ELFN2: variants seen among roughly 807,000 people sequenced by gnomAD.
The protein encoded by ELFN2 is protein phosphatase 1 regulatory subunit 29.
ELFN2 carries 17 observed loss-of-function variants against 45.5 expected under a neutral mutation model. That is an observed-to-expected ratio of 0.37 (90% CI 0.26 to 0.56). The LOEUF is 0.56. Among genes scored for constraint, ELFN2 ranks in the 20% least tolerant of loss-of-function variants. The pLI is 0.77. For synonymous variants in ELFN2, 550 were observed against 551.5 expected (o/e 1.00, Z 0.04); for missense variants, 922 against 1,183.2 (o/e 0.78, Z 3.24).
chr22:37,359,041 T>TGCTGGAAGTCACCAAC, intron 1 of ELFN2, among the ~76,000 whole-genome samples: 3 of 151,860 alleles, frequency 2.0e-5, no homozygotes, highest in African/African-American at 7.3e-5. Context: ...CATATGTTGG[T>TGCTGGAAGTCACCAAC]ATTGGAAGCC....
At chr22:37,409,465 T>C (rs1932593378) in intron 2 of ELFN2, among the ~76,000 whole-genome samples, 1 of 152,050 alleles carries the variant, frequency 6.6e-6, no homozygotes, top group Non-Finnish European at 1.5e-5. Context: ...CACCCTACCT[T>C]TCCCCAAGTC....
downstream of ELFN2, among the ~76,000 whole-genome samples, chr22:37,363,993 T>C (rs1490755356): frequency 6.6e-6 from 1 of 151,780 alleles, no homozygotes; most frequent in African/African-American, 2.4e-5. Flanking sequence ...CAGTTCCCCA[T>C]GTGGGAGTCC....
At chr22:37,345,203 C>T (rs922102739) in intron 1 of ELFN2, among the ~76,000 whole-genome samples, 2 of 152,242 alleles carry the variant, frequency 1.3e-5, no homozygotes, top group Non-Finnish European at 2.9e-5. Flanking sequence ...AGTCTTTTCT[C>T]CTCTTCAACT....
chr22:37,349,050 G>A (rs1930761765), intron 1 of ELFN2, among the ~76,000 whole-genome samples: 2 of 151,212 alleles, frequency 1.3e-5, no homozygotes, highest in African/African-American at 4.8e-5. Context: ...GATCGCTACA[G>A]AGCATCTCTT....
At chr22:37,424,653 G>A (rs1355985607) in intron 1 of ELFN2, among the ~76,000 whole-genome samples, 1 of 150,730 alleles carries the variant, frequency 6.6e-6, no homozygotes, top group Non-Finnish European at 1.5e-5. Flanking sequence ...GTAATCAAAT[G>A]TGTCTCCCTG....
chr22:37,350,427 G>A (rs1244624677), intron 1 of ELFN2, among the ~76,000 whole-genome samples: 1 of 150,636 alleles, frequency 6.6e-6, no homozygotes, highest in Non-Finnish European at 1.5e-5. Flanking sequence ...GGTGGCCTCA[G>A]TGAGCTCTGG....
chr22:37,366,639 G>C (rs1931212922), downstream of ELFN2, among the ~76,000 whole-genome samples: 1 of 152,248 alleles, frequency 6.6e-6, no homozygotes, highest in Non-Finnish European at 1.5e-5. Flanking sequence ...GGGGCCTGAG[G>C]GGACAGAGCC....
intron 1 of ELFN2, among the ~76,000 whole-genome samples, chr22:37,347,352 C>T (rs1930722026): frequency 6.6e-6 from 1 of 152,068 alleles, no homozygotes; most frequent in South Asian, 2.1e-4. Flanking sequence ...TCTGAAGCTG[C>T]AGGTATTCAT....
Position 37,374,488 on chromosome 22 carries a change from G to A in ELFN2, c.1047C>T (p.Asp349=), listed in dbSNP as rs755203655. ...TGTACTCAGTGTGCGCCCGCAGTTTGTCCAGCGTCACGATCTCCTTCTTGT... is the reference window on the plus strand; with the variant it reads ...TGTACTCAGTGTGCGCCCGCAGTTTATCCAGCGTCACGATCTCCTTCTTGT... The part of the protein sequence containing the change: ...LKNKKEIVTL[D]KLRAHTEYTF... The change falls in exon 3 of 3, where the codon GAC becomes GAT. Residue 349 remains aspartate (D), a synonymous_variant. Transcript: ENST00000402918. 1.9e-6 allele frequency: 3 copies of A among 1,614,130 alleles called. No homozygotes were observed. The highest frequency in any genetic ancestry group is 2.7e-5 in the African/African-American group (2 of 74,948).
chr22:37,374,276 C>T lies in ELFN2; in HGVS notation c.1259G>A (p.Arg420His), dbSNP rs537816334. 38 of 1,613,960 alleles carry T rather than the reference C, an allele frequency of 2.4e-5. No individual in the cohort carries two copies. Among genetic ancestry groups the T allele is most frequent in the Non-Finnish European group, 2.9e-5 (34 of 1,180,038 alleles). ...IVLGAVYYCL[R>H]KRRMQEEKQK... ...CTTCTCCTCCTGCATGCGCCGCTTG[C>T]GCAGGCAGTAGTACACGGCTCCCAG... Residue 420 changes from arginine (R) to histidine (H), a missense_variant, in exon 3 of 3, where the codon CGC (arginine) becomes CAC (histidine). By Grantham distance (29) the Arg-to-His change is conservative. Around this residue, in one of 2 missense-constraint regions of ELFN2, gnomAD observed 564 missense variants for 642.8 expected, o/e 0.88. Coordinates refer to ENST00000402918, the MANE Select transcript of ELFN2 (RefSeq NM_052906.5).
chr22:37,405,125 C>T (rs1932466336), intron 2 of ELFN2, among the ~76,000 whole-genome samples: 1 of 131,522 alleles, frequency 7.6e-6, no homozygotes, highest in Non-Finnish European at 1.6e-5. Flanking sequence ...GACGGAGTCT[C>T]GCTCTTGCCC....
At chr22:37,396,917 T>G (rs1022469194) in intron 2 of ELFN2, among the ~76,000 whole-genome samples, 13 of 152,284 alleles carry the variant, frequency 8.5e-5, no homozygotes, top group South Asian at 6.2e-4. Flanking sequence ...CTATCATCAC[T>G]TGCCTATCAC....
intron 1 of ELFN2, among the ~76,000 whole-genome samples, chr22:37,358,400 G>C (rs749081175): frequency 6.6e-6 from 1 of 152,220 alleles, no homozygotes; most frequent in Non-Finnish European, 1.5e-5. Flanking sequence ...GTCCAGGTCC[G>C]CCGGGGCGAG....
chr22:37,383,928 A>G (rs1285997347), intron 2 of ELFN2, among the ~76,000 whole-genome samples: 2 of 152,146 alleles, frequency 1.3e-5, no homozygotes, highest in African/African-American at 4.8e-5. Context: ...GACCTCGGGC[A>G]AGTCAGCACC....
intron 2 of ELFN2, among the ~76,000 whole-genome samples, chr22:37,383,979 A>G (rs1931863507): frequency 6.6e-6 from 1 of 152,068 alleles, no homozygotes; most frequent in African/African-American, 2.4e-5. Context: ...GTTTGGAGGA[A>G]AACCACAGTA....
At chr22:37,367,031 G>C (rs1443080638), downstream of ELFN2, among the ~76,000 whole-genome samples, 6 of 152,252 alleles carry the variant, frequency 3.9e-5, no homozygotes, top group Admixed American at 1.3e-4. Flanking sequence ...GGGCTGGGCT[G>C]AAGGCCACAG....
At chr22:37,413,669 T>C (rs1267961124) in intron 2 of ELFN2, among the ~76,000 whole-genome samples, 1 of 152,098 alleles carries the variant, frequency 6.6e-6, no homozygotes, top group Admixed American at 6.5e-5. Context: ...CACTGCCTCC[T>C]AGAAGCCAGC....
At chr22:37,391,672 C>T (rs1262298772) in intron 2 of ELFN2, among the ~76,000 whole-genome samples, 1 of 152,294 alleles carries the variant, frequency 6.6e-6, no homozygotes, top group Middle Eastern at 3.4e-3. Context: ...TGGGACTCCC[C>T]GAAGGCCAGG....
intron 1 of ELFN2, among the ~76,000 whole-genome samples, chr22:37,358,636 G>C (rs1436805919): frequency 2.0e-5 from 3 of 152,226 alleles, no homozygotes; most frequent in Non-Finnish European, 2.9e-5. Flanking sequence ...ACTGGCAGGG[G>C]GAGTGGGACT....
Sources: gnomAD v4.1 joint callset for allele counts (sites outside exome capture counted in the v4.1 genomes callset) on GRCh38, gnomAD v4.1.1 for gene constraint, gnomAD v4.1.1 regional missense constraint, MANE v1.5 for transcripts, NCBI Gene and HGNC (gene_info 2026-07-23, HGNC 2026-07-21) for gene names.